CDH4: variants seen among roughly 807,000 people sequenced by gnomAD.
The protein encoded by CDH4 is cadherin 4, also known as cadherin-4.
A neutral mutation model predicts 86.0 loss-of-function variants in CDH4; 33 were observed. That is an observed-to-expected ratio of 0.38 (90% CI 0.29 to 0.51). CDH4 has a LOEUF of 0.51. Among genes scored for constraint, CDH4 ranks in the 20% least tolerant of loss-of-function variants. The probability of loss-of-function intolerance (pLI) is 0.86; values close to 1 mark genes in which losing one functional copy is unlikely to be tolerated. For missense variants in CDH4, 1,114 were observed against 1,307.4 expected, an observed-to-expected ratio of 0.85 and a Z score of 2.28; for synonymous variants, 555 against 549.4, an observed-to-expected ratio of 1.01 and a Z score of -0.14.
intron 2 of CDH4, among the ~76,000 whole-genome samples, chr20:61,720,159 G>A (rs1465485476): frequency 6.6e-6 from 1 of 152,138 alleles, no homozygotes; most frequent in Non-Finnish European, 1.5e-5. Flanking sequence ...TCGGGTGGAG[G>A]GCATGTTCAC....
chr20:61,299,701 T>G (rs896526833), intron 2 of CDH4, among the ~76,000 whole-genome samples: 16 of 152,158 alleles, frequency 1.1e-4, no homozygotes, highest in African/African-American at 3.9e-4. Context: ...TGCCTCACCC[T>G]TGAAAGGCCT....
chr20:61,481,220 C>T (rs974046725), intron 2 of CDH4, among the ~76,000 whole-genome samples: 9 of 152,126 alleles, frequency 5.9e-5, no homozygotes, highest in African/African-American at 1.4e-4. Flanking sequence ...ACAGCTGGGG[C>T]GTGGGGGAGG....
chr20:61,515,341 T>C (rs370587934), intron 2 of CDH4, among the ~76,000 whole-genome samples: 1 of 152,088 alleles, frequency 6.6e-6, no homozygotes, highest in South Asian at 2.1e-4. Context: ...GACGCCGCAG[T>C]CCCCAAAAGC....
chr20:61,497,530 T>C (rs1244988191), intron 2 of CDH4, among the ~76,000 whole-genome samples: 4 of 152,194 alleles, frequency 2.6e-5, no homozygotes, highest in Non-Finnish European at 5.9e-5. Context: ...CCAGTTAGAA[T>C]GGCGATCATT....
At chr20:61,704,771 T>C (rs530135911) in intron 2 of CDH4, among the ~76,000 whole-genome samples, 1 of 152,010 alleles carries the variant, frequency 6.6e-6, no homozygotes, top group South Asian at 2.1e-4. Context: ...TTAAATGGGG[T>C]GGCGCCGCTC....
chr20:61,486,823 A>G (rs2085599326), intron 2 of CDH4, among the ~76,000 whole-genome samples: 1 of 152,166 alleles, frequency 6.6e-6, no homozygotes, highest in Non-Finnish European at 1.5e-5. Context: ...CAGGAGTTCA[A>G]GGTTCCAATG....
chr20:61,477,503 C>A (rs1306313951), intron 2 of CDH4, among the ~76,000 whole-genome samples: 1 of 152,200 alleles, frequency 6.6e-6, no homozygotes, highest in African/African-American at 2.4e-5. Context: ...CCAATCCAGG[C>A]CAGGACTGGA....
chr20:61,928,114 G>A lies in CDH4; in HGVS notation c.1772-76G>A, dbSNP rs182805558. On this transcript the variant is annotated intron_variant, in intron 11 of 15. Transcript: ENST00000614565. The stretch of plus-strand genomic sequence containing the variant: ...ATGTTGCACGTGGTTGTTTGTGTGC[G>A]TGTCCTGTGTGGAGCTGTGGGTTGG... 2.1e-4 allele frequency: 236 copies of A among 1,110,516 alleles called. 1 individual carries two copies. Among genetic ancestry groups the A allele is most frequent in the African/African-American group, 1.5e-3 (99 of 65,560 alleles). The allele number at this position is 1,110,516 out of a possible 1,614,324, so 68.8% of individuals were successfully genotyped here.
intron 2 of CDH4, among the ~76,000 whole-genome samples, chr20:61,315,071 A>G (rs1259078331): frequency 6.6e-6 from 1 of 152,120 alleles, no homozygotes; most frequent in African/African-American, 2.4e-5. Flanking sequence ...TCTAAACACG[A>G]AAGCCTCCAC....
chr20:61,654,412 G>A (rs1351563515), intron 2 of CDH4, among the ~76,000 whole-genome samples: 3 of 152,096 alleles, frequency 2.0e-5, no homozygotes, highest in East Asian at 1.9e-4. Flanking sequence ...GAGGGAGACC[G>A]TGGAAAGAGG....
At chr20:61,381,943 G>A (rs983205960) in intron 2 of CDH4, among the ~76,000 whole-genome samples, 1 of 88,524 alleles carries the variant, frequency 1.1e-5, no homozygotes, top group African/African-American at 5.5e-5. Context: ...AGGCATGGTG[G>A]CAGGCACCTG....
rs6061637 is a variant in CDH4 at position 61,557,904 on chromosome 20, G to A, written c.170-185659G>A. Among the ~76,000 whole-genome samples the A allele has an allele frequency of 4.6e-3, 706 of 152,180 alleles. 7 individuals carry two copies. The highest frequency in any genetic ancestry group is 0.015 in the African/African-American group (633 of 41,546). ...AGATCCATTAGCTGTGTGGTGCACC[G>A]TCGCTGAATGAATGGCTGTATTATT... On this transcript the variant is annotated intron_variant, in intron 2 of 15. Transcript: ENST00000614565.
At chr20:61,927,245 C>T (rs1215911490) in intron 11 of CDH4, among the ~76,000 whole-genome samples, 5 of 152,218 alleles carry the variant, frequency 3.3e-5, no homozygotes, top group Non-Finnish European at 7.3e-5. Flanking sequence ...ATGCCGCCAC[C>T]ACCGCCGCCT....
intron 2 of CDH4, among the ~76,000 whole-genome samples, chr20:61,573,710 TTC>T (rs1234823242): frequency 1.2e-4 from 18 of 152,166 alleles, no homozygotes; most frequent in African/African-American, 4.3e-4. Flanking sequence ...GTTCCTGCCA[TTC>T]CTAGCAAGAG....
intron 2 of CDH4, among the ~76,000 whole-genome samples, chr20:61,490,794 G>A (rs568509134): frequency 2.0e-5 from 3 of 152,230 alleles, no homozygotes; most frequent in Middle Eastern, 3.4e-3. Flanking sequence ...CACAGCACAC[G>A]GCTGTCTAAT....
chr20:61,485,545 C>T (rs1239469077), intron 2 of CDH4, among the ~76,000 whole-genome samples: 3 of 152,222 alleles, frequency 2.0e-5, no homozygotes, highest in Non-Finnish European at 4.4e-5. Context: ...GAGAGCTCCA[C>T]GGTGCTCTGC....
At chr20:61,836,179 C>T (rs1256420335) in intron 4 of CDH4, among the ~76,000 whole-genome samples, 3 of 152,176 alleles carry the variant, frequency 2.0e-5, no homozygotes, top group African/African-American at 4.8e-5. Flanking sequence ...GGGTGAGGCA[C>T]GTCGGTTGTA....
At chr20:61,565,237 T>TA (rs2086272051) in intron 2 of CDH4, among the ~76,000 whole-genome samples, 2 of 65,834 alleles carry the variant, frequency 3.0e-5, no homozygotes, top group Non-Finnish European at 3.2e-5. Context: ...GTGGTGGTGG[T>TA]GGTGGCGGTG....
At chr20:61,264,236 G>A (rs1201825439) in intron 2 of CDH4, among the ~76,000 whole-genome samples, 5 of 152,134 alleles carry the variant, frequency 3.3e-5, no homozygotes, top group Non-Finnish European at 7.4e-5. Flanking sequence ...CCCACACTGT[G>A]CGGTGACCTT....
Sources: allele counts gnomAD v4.1 joint callset (sites outside exome capture counted in the v4.1 genomes callset), GRCh38; gene constraint gnomAD v4.1.1; transcripts MANE v1.5; gene names NCBI Gene and HGNC (gene_info 2026-07-23, HGNC 2026-07-21).